WDPCP: variants seen among roughly 807,000 people sequenced by gnomAD.
WDPCP encodes WD repeat containing planar cell polarity effector, also known as WD repeat-containing and planar cell polarity effector protein fritz homolog.
A neutral mutation model predicts 93.1 loss-of-function variants in WDPCP; 71 were observed. The observed-to-expected ratio is 0.76, with a 90% CI of 0.63 to 0.93. WDPCP has a LOEUF of 0.93. WDPCP is among the 40% of genes least tolerant of loss of function. The pLI, the probability that WDPCP is intolerant of heterozygous loss-of-function variation, is 0.00. For missense variants in WDPCP, 844 were observed against 887.4 expected, an observed-to-expected ratio of 0.95 and a Z score of 0.62; for synonymous variants, 315 against 315.0, an observed-to-expected ratio of 1.00 and a Z score of 0.00.
intron 12 of WDPCP, among the ~76,000 whole-genome samples, chr2:63,354,688 A>ATGTG (rs937410017): frequency 6.6e-6 from 1 of 150,806 alleles, no homozygotes; most frequent in Non-Finnish European, 1.5e-5. Flanking sequence ...GTGTACATAT[A>ATGTG]TGTGTGTGTA....
At position 63,563,669 on chromosome 2, in the gene WDPCP, G is replaced by A. The variant is rs1575656815; in HGVS notation, c.75+24528C>T. ...TGTATCCCTTAAGATAGGTTCTTAGGAGGCAATTCAGGTTAAATTGAGGTC... is the reference window on the plus strand; with the variant it reads ...TGTATCCCTTAAGATAGGTTCTTAGAAGGCAATTCAGGTTAAATTGAGGTC... On this transcript the variant is annotated intron_variant, in intron 1 of 17. Coordinates refer to ENST00000272321, the MANE Select transcript of WDPCP (RefSeq NM_015910.7). 2.0e-5 allele frequency among the ~76,000 whole-genome samples: 3 copies of A among 152,028 alleles called. No homozygotes were observed. In the South Asian group the frequency reaches 6.2e-4, roughly 32 times the overall value.
chr2:63,564,841 G>A (rs1450700993), intron 1 of WDPCP, among the ~76,000 whole-genome samples: 1 of 147,768 alleles, frequency 6.8e-6, no homozygotes. Context: ...GCAGTGGCAC[G>A]ATCTTGGCTC....
the WDPCP span, among the ~76,000 whole-genome samples, chr2:63,837,376 A>G: frequency 1.3e-5 from 2 of 152,132 alleles, no homozygotes; most frequent in South Asian, 4.1e-4. Context: ...TTCCTCTCTC[A>G]TGTGGGTGGC....
chr2:63,332,794 A>G (rs888323613), intron 12 of WDPCP, among the ~76,000 whole-genome samples: 2 of 152,084 alleles, frequency 1.3e-5, no homozygotes, highest in African/African-American at 4.8e-5. Flanking sequence ...GATTTTGTAG[A>G]GACAGGGTCT....
intron 13 of WDPCP, among the ~76,000 whole-genome samples, chr2:63,285,433 CAAAAA>C (rs749712426): frequency 7.9e-5 from 4 of 50,878 alleles, no homozygotes; most frequent in Non-Finnish European, 4.0e-5. Flanking sequence ...GACTCCATCT[CAAAAA>C]AAAAAAAAAA....
intron 12 of WDPCP, among the ~76,000 whole-genome samples, chr2:63,368,321 T>TA (rs34253494): frequency 0.51 from 75,005 of 145,742 alleles, 19,211 homozygotes; most frequent in Admixed American, 0.61. Context: ...TTTATTTATT[T>TA]ATTTATTTAT....
chr2:63,199,026 G>C (rs1288612280), intron 14 of WDPCP, among the ~76,000 whole-genome samples: 1 of 152,134 alleles, frequency 6.6e-6, no homozygotes, highest in Admixed American at 6.6e-5. Flanking sequence ...TGACAGCATT[G>C]TGCCCCTGCT....
intron 6 of WDPCP, among the ~76,000 whole-genome samples, chr2:63,445,859 A>G (rs954221186): frequency 6.6e-6 from 1 of 152,230 alleles, no homozygotes; most frequent in Non-Finnish European, 1.5e-5. Flanking sequence ...ATGCAACATA[A>G]TGCATGTAAA....
chr2:63,747,171 A>C (rs563564403), intron 2 of WDPCP, among the ~76,000 whole-genome samples: 1 of 152,156 alleles, frequency 6.6e-6, no homozygotes, highest in African/African-American at 2.4e-5. Flanking sequence ...CAGCTCTTGC[A>C]TACTATAGAT....
In WDPCP at chr2:63,215,224, C is replaced by T. The variant is rs575322786; in HGVS notation, c.1916-40392G>A. 2.6e-4 allele frequency among the ~76,000 whole-genome samples: 40 copies of T among 152,034 alleles called. No individual in the cohort carries two copies. The South Asian group carries it at 6.8e-3, about 26-fold the overall frequency. The stretch of plus-strand genomic sequence containing the variant: ...CATCATGCTACCTGACTTCAAACTA[C>T]ACTACAAGGCTACAGTAACCAAAAC... On this transcript the variant is annotated intron_variant, in intron 14 of 17. Transcript: ENST00000272321.
At chr2:63,710,484 A>C (rs1669245751) in intron 2 of WDPCP, among the ~76,000 whole-genome samples, 1 of 152,232 alleles carries the variant, frequency 6.6e-6, no homozygotes, top group South Asian at 2.1e-4. Flanking sequence ...CCTTGTAAAC[A>C]GTGCCTTGAC....
intron 9 of WDPCP, among the ~76,000 whole-genome samples, chr2:63,411,744 T>A (rs1436071207): frequency 6.6e-6 from 1 of 152,128 alleles, no homozygotes; most frequent in Non-Finnish European, 1.5e-5. Context: ...AAGGCTACTG[T>A]GAACACCTTT....
intron 2 of WDPCP, among the ~76,000 whole-genome samples, chr2:63,700,907 A>C (rs1036793156): frequency 6.6e-6 from 1 of 152,226 alleles, no homozygotes; most frequent in Admixed American, 6.5e-5. Context: ...ACTTGAAACT[A>C]TGAAACTACT....
intron 9 of WDPCP, among the ~76,000 whole-genome samples, chr2:63,418,703 G>A (rs1558606693): frequency 6.6e-6 from 1 of 152,056 alleles, no homozygotes; most frequent in African/African-American, 2.4e-5. Flanking sequence ...ATGGTGAAAA[G>A]GCAAACAGTA....
In WDPCP at chr2:63,504,180, C is replaced by T. The variant is rs117808521; in HGVS notation, c.76-11240G>A. Among the ~76,000 whole-genome samples the T allele has an allele frequency of 5.4e-3, 824 of 152,012 alleles. 7 individuals carry two copies. Among genetic ancestry groups the T allele is most frequent in the East Asian group, 0.031 (162 of 5,176 alleles). ...AGACCTGAAAACCTTTTTTCTATGG[C>T]TTCTAGAAAAACTTAGAAGCTAAAG... On this transcript the variant is annotated intron_variant, in intron 1 of 17. Transcript: ENST00000272321.
the WDPCP span, among the ~76,000 whole-genome samples, chr2:63,838,300 C>T: frequency 1.1e-4 from 16 of 152,154 alleles, no homozygotes; most frequent in African/African-American, 3.6e-4. Flanking sequence ...ATAGAGAGCT[C>T]CTGTCTAAAG....
At chr2:63,565,457 ACT>A (rs1405859811) in intron 1 of WDPCP, among the ~76,000 whole-genome samples, 1 of 152,096 alleles carries the variant, frequency 6.6e-6, no homozygotes, top group Non-Finnish European at 1.5e-5. Flanking sequence ...AAATATTTAA[ACT>A]CTATAGGATA....
intron 15 of WDPCP, chr2:63,168,629 T>C (rs1408942304): frequency 6.6e-6 from 1 of 152,228 alleles, no homozygotes; most frequent in Non-Finnish European, 1.5e-5. Flanking sequence ...TTCTCACTTA[T>C]TTATCACTTG....
chr2:63,796,015 T>C (rs1284929718), intron 2 of WDPCP, among the ~76,000 whole-genome samples: 1 of 152,170 alleles, frequency 6.6e-6, no homozygotes, highest in African/African-American at 2.4e-5. Flanking sequence ...CAAGTAATTG[T>C]TTTAGACATG....
Sources: gnomAD v4.1 joint callset for allele counts (sites outside exome capture counted in the v4.1 genomes callset) on GRCh38, gnomAD v4.1.1 for gene constraint, MANE v1.5 for transcripts, NCBI Gene and HGNC (gene_info 2026-07-23, HGNC 2026-07-21) for gene names.